The following CEP83 variants were observed in gnomAD, a reference collection of about 807,000 sequenced individuals.
CEP83 encodes the protein centrosomal protein 83.
Under a neutral mutation model 101.9 loss-of-function variants are expected in CEP83, and 70 were observed. The ratio of observed to expected loss-of-function variants is 0.69; its 90% CI spans 0.57 to 0.84. CEP83 has a LOEUF of 0.84. Among genes scored for constraint, CEP83 ranks in the 40% least tolerant of loss-of-function variants. CEP83 has a pLI of 0.00. For missense variants in CEP83, 715 were observed against 787.2 expected (o/e 0.91, Z 1.10); for synonymous variants, 264 against 267.9 (o/e 0.99, Z 0.14).
At chr12:94,394,990 G>A (rs894447162) in intron 6 of CEP83, among the ~76,000 whole-genome samples, 2 of 152,236 alleles carry the variant, frequency 1.3e-5, no homozygotes. Context: ...TGGAGAGGAT[G>A]TAGAGAAATA....
At chr12:94,421,379 A>T (rs2064731534) in intron 2 of CEP83, among the ~76,000 whole-genome samples, 1 of 152,088 alleles carries the variant, frequency 6.6e-6, no homozygotes, top group Non-Finnish European at 1.5e-5. Context: ...CAATTTTTTA[A>T]AAAGGGACTT....
At chr12:94,450,211 G>T (rs567975640) in intron 1 of CEP83, among the ~76,000 whole-genome samples, 1 of 152,122 alleles carries the variant, frequency 6.6e-6, no homozygotes, top group Non-Finnish European at 1.5e-5. Context: ...AAAAAGTATC[G>T]TTTTGAGACA....
intron 9 of CEP83, chr12:94,368,520 C>T (rs868536289): frequency 1.1e-4 from 23 of 203,332 alleles, no homozygotes; most frequent in Middle Eastern, 4.0e-3. Flanking sequence ...GGTTTACTTA[C>T]TTCACCTCTA....
intron 2 of CEP83, among the ~76,000 whole-genome samples, chr12:94,427,522 T>C (rs1464791608): frequency 6.6e-6 from 1 of 152,218 alleles, no homozygotes; most frequent in Non-Finnish European, 1.5e-5. Flanking sequence ...GACCTCCATA[T>C]GACATTTTAT....
At chr12:94,406,859 G>A (rs561390599) in intron 4 of CEP83, among the ~76,000 whole-genome samples, 5 of 151,726 alleles carry the variant, frequency 3.3e-5, no homozygotes, top group East Asian at 1.9e-4. Context: ...CACAGGAGGC[G>A]GAGCTTGCAG....
intron 8 of CEP83, among the ~76,000 whole-genome samples, chr12:94,372,308 T>C (rs2061343591): frequency 6.6e-6 from 1 of 152,230 alleles, no homozygotes; most frequent in Non-Finnish European, 1.5e-5. Context: ...TTATTTTCTA[T>C]AAAAGCAAGT....
chr12:94,310,137 C>T, intron 15 of CEP83, 30 bp from the exon 16 acceptor site: 1 of 1,223,700 alleles, frequency 8.2e-7, no homozygotes, highest in Non-Finnish European at 1.2e-6. Flanking sequence ...GTTTCTTTAA[C>T]ATGGTTATAC....
chr12:94,434,823 T>C (rs1479370920), intron 2 of CEP83, among the ~76,000 whole-genome samples: 1 of 152,248 alleles, frequency 6.6e-6, no homozygotes, highest in Non-Finnish European at 1.5e-5. Context: ...AGGTGCTTAA[T>C]AAACTGCGTG....
intron 7 of CEP83, among the ~76,000 whole-genome samples, chr12:94,376,690 TAC>T (rs533315599): frequency 0.057 from 6,720 of 117,202 alleles, 182 homozygotes; most frequent in Middle Eastern, 0.082. Context: ...TATACATATA[TAC>T]ACACACACAC....
intron 11 of CEP83, among the ~76,000 whole-genome samples, chr12:94,347,076 C>T (rs371467175): frequency 1.6e-4 from 17 of 104,624 alleles, no homozygotes; most frequent in Admixed American, 2.0e-4. Flanking sequence ...TATACACATA[C>T]ACACACACAC....
At chr12:94,294,380 T>A in the CEP83 span, 2 of 600,342 alleles carry the variant, frequency 3.3e-6, no homozygotes, top group Non-Finnish European at 3.1e-6. Context: ...ATATTTGATT[T>A]AATAAGTGAC....
intron 14 of CEP83, among the ~76,000 whole-genome samples, chr12:94,315,501 T>C (rs1202457844): frequency 6.6e-6 from 1 of 152,144 alleles, no homozygotes; most frequent in Admixed American, 6.6e-5. Context: ...TATATATGTA[T>C]TGCAGATTGA....
In CEP83 at chr12:94,437,603, T is replaced by G. The variant is rs115664360; in HGVS notation, c.-154-2276A>C. ...TTCAGTCTCTTTAAACAAAAAATTA[T>G]CAGCCAATAATTCCATATCTAGCAA... is the stretch of plus-strand genomic sequence containing the variant. On this transcript the variant is annotated intron_variant, in intron 1 of 16. Coordinates refer to ENST00000397809, the MANE Select transcript of CEP83 (RefSeq NM_016122.3). 4.7e-3 allele frequency among the ~76,000 whole-genome samples: 721 copies of G among 152,272 alleles called. 5 individuals carry two copies. The highest frequency in any genetic ancestry group is 0.034 in the Middle Eastern group (10 of 294).
chr12:94,400,377 G>GA (rs1247846793), intron 6 of CEP83, among the ~76,000 whole-genome samples: 14 of 152,196 alleles, frequency 9.2e-5, no homozygotes, highest in Admixed American at 9.2e-4. Flanking sequence ...GCAAATGGCA[G>GA]AAAAAAACAA....
chr12:94,374,315 T>C (rs1016120517), intron 8 of CEP83, among the ~76,000 whole-genome samples: 2 of 152,168 alleles, frequency 1.3e-5, no homozygotes, highest in African/African-American at 4.8e-5. Flanking sequence ...GCACATCCCA[T>C]GTCCTATTGC....
chr12:94,293,422 C>T, the CEP83 span, among the ~76,000 whole-genome samples: 1 of 152,170 alleles, frequency 6.6e-6, no homozygotes, highest in Non-Finnish European at 1.5e-5. Context: ...ATAGTCAGTT[C>T]GGGCTGCTAT....
At chr12:94,456,200 TGAA>T (rs1446415432) in intron 1 of CEP83, among the ~76,000 whole-genome samples, 7 of 152,208 alleles carry the variant, frequency 4.6e-5, no homozygotes, top group Non-Finnish European at 8.8e-5. Context: ...CCAAGCCCAC[TGAA>T]GAATAGTGCC....
At chr12:94,319,330 A>AT (rs940200560) in intron 14 of CEP83, among the ~76,000 whole-genome samples, 1 of 151,896 alleles carries the variant, frequency 6.6e-6, no homozygotes, top group Admixed American at 6.6e-5. Context: ...TGGCCTAACA[A>AT]TTTTTTCAAA....
At chr12:94,399,135 A>G (rs1206692253) in intron 6 of CEP83, among the ~76,000 whole-genome samples, 1 of 152,004 alleles carries the variant, frequency 6.6e-6, no homozygotes, top group Non-Finnish European at 1.5e-5. Context: ...TGCCCTTTGA[A>G]GCATGTGATC....
Sources: allele counts gnomAD v4.1 joint callset (sites outside exome capture counted in the v4.1 genomes callset), GRCh38; gene constraint gnomAD v4.1.1; transcripts MANE v1.5; gene names NCBI Gene and HGNC (gene_info 2026-07-23, HGNC 2026-07-21).